ADGRL3: variants seen among roughly 807,000 people sequenced by gnomAD.
ADGRL3 encodes the protein adhesion G protein-coupled receptor L3, also known as calcium-independent alpha-latrotoxin receptor 3.
A neutral mutation model predicts 153.5 loss-of-function variants in ADGRL3; 62 were observed. That is an observed-to-expected ratio of 0.40 (90% CI 0.33 to 0.50). The LOEUF is 0.50. Ranked by LOEUF, ADGRL3 falls within the 20% of genes least tolerant of loss-of-function variation. The probability of loss-of-function intolerance (pLI) is 0.47; values close to 1 mark genes in which losing one functional copy is unlikely to be tolerated. For synonymous variants in ADGRL3, 710 were observed against 672.5 expected, an observed-to-expected ratio of 1.06 and a Z score of -0.86; for missense variants, 1,641 against 1,859.4, an observed-to-expected ratio of 0.88 and a Z score of 2.16.
chr4:61,625,535 C>G (rs1276714699), intron 5 of ADGRL3, among the ~76,000 whole-genome samples: 1 of 152,120 alleles, frequency 6.6e-6, no homozygotes. Context: ...TTTATAATTT[C>G]TCTCTATACA....
At chr4:61,757,405 C>T (rs189054716) in intron 8 of ADGRL3, among the ~76,000 whole-genome samples, 13,172 of 152,134 alleles carry the variant, frequency 0.087, 1,198 homozygotes, top group African/African-American at 0.23. Flanking sequence ...AGTTTATTTG[C>T]ATAGAGGTGT....
chr4:61,649,051 A>G (rs936426305), intron 5 of ADGRL3, among the ~76,000 whole-genome samples: 1 of 152,072 alleles, frequency 6.6e-6, no homozygotes, highest in Middle Eastern at 3.4e-3. Context: ...TTTAACAGTC[A>G]TGTTTTAATG....
At chr4:61,719,067 G>A (rs900050836) in intron 6 of ADGRL3, among the ~76,000 whole-genome samples, 1 of 152,098 alleles carries the variant, frequency 6.6e-6, no homozygotes, top group Non-Finnish European at 1.5e-5. Context: ...CCTTTGGATT[G>A]TGTATCACAT....
At chr4:61,706,383 C>T (rs1039620485) in intron 6 of ADGRL3, among the ~76,000 whole-genome samples, 1 of 149,466 alleles carries the variant, frequency 6.7e-6, no homozygotes, top group Non-Finnish European at 1.5e-5. Flanking sequence ...GATTGCGCCA[C>T]TGCACTCTGG....
chr4:61,539,340 C>T (rs73822622), intron 4 of ADGRL3, among the ~76,000 whole-genome samples: 3,427 of 152,296 alleles, frequency 0.023, 119 homozygotes, highest in East Asian at 0.15. Flanking sequence ...ACGGCCTTCT[C>T]TCCACGCCTA....
In ADGRL3 at chr4:62,073,408, A is replaced by G. The variant is rs1415838814; in HGVS notation, c.*2500A>G. The G allele has an allele frequency of 1.3e-5, 2 of 152,144 alleles. No homozygotes were observed. Among genetic ancestry groups the G allele is most frequent in the Non-Finnish European group, 2.9e-5 (2 of 68,008 alleles). 9.4% of individuals were successfully genotyped at this position (152,144 alleles called of 1,614,324 possible). A position where few individuals can be genotyped will look rare whatever the true frequency, so the allele number is the denominator to read the frequency against. ...CACTATGGCAATATTAGCACGTCCA[A>G]GGCTTTTAACCCACCCGATACATAG... is the stretch of plus-strand genomic sequence containing the variant. On this transcript the variant is annotated 3_prime_UTR_variant, in exon 27 of 27. Coordinates refer to ENST00000683033, the MANE Select transcript of ADGRL3 (RefSeq NM_001387552.1).
At chr4:61,733,891 T>TA (rs1413644072) in intron 8 of ADGRL3, among the ~76,000 whole-genome samples, 1 of 152,210 alleles carries the variant, frequency 6.6e-6, no homozygotes, top group Non-Finnish European at 1.5e-5. Flanking sequence ...ACAGCCTGTC[T>TA]AATTAATTGT....
chr4:61,932,189 T>C (rs1315038943), intron 13 of ADGRL3, among the ~76,000 whole-genome samples: 1 of 152,104 alleles, frequency 6.6e-6, no homozygotes, highest in Non-Finnish European at 1.5e-5. Flanking sequence ...TATTATTACC[T>C]AATTGCTCTG....
chr4:61,624,904 T>C, intron 5 of ADGRL3, among the ~76,000 whole-genome samples: 1 of 152,112 alleles, frequency 6.6e-6, no homozygotes, highest in African/African-American at 2.4e-5. Context: ...TTTTAAAACT[T>C]ATAAATTACT....
In ADGRL3 at chr4:61,343,262, C is replaced by T. The variant is rs74383124; in HGVS notation, c.-239-39862C>T. Among the ~76,000 whole-genome samples the T allele has an allele frequency of 7.2e-3, 1,090 of 152,250 alleles. 14 individuals are homozygous for T. Among genetic ancestry groups the T allele is most frequent in the African/African-American group, 0.024 (1,010 of 41,548 alleles). ...TAATTTTCAAAACCACAAAAATCAG[C>T]GCTAACTTTCTGCCATCAGACTCCT... On this transcript the variant is annotated intron_variant, in intron 1 of 26. Transcript: ENST00000683033.
At chr4:61,719,586 C>A (rs2096196576) in intron 6 of ADGRL3, among the ~76,000 whole-genome samples, 1 of 146,816 alleles carries the variant, frequency 6.8e-6, no homozygotes, top group African/African-American at 2.5e-5. Context: ...CCCTGCATTT[C>A]TTTCACCTCT....
chr4:61,764,160 A>C (rs1308697386), intron 8 of ADGRL3, among the ~76,000 whole-genome samples: 1 of 152,314 alleles, frequency 6.6e-6, no homozygotes, highest in African/African-American at 2.4e-5. Flanking sequence ...TTAATTTGGT[A>C]ACACTATTCA....
chr4:61,903,368 G>T (rs1385521138), intron 11 of ADGRL3, among the ~76,000 whole-genome samples: 1 of 152,080 alleles, frequency 6.6e-6, no homozygotes, highest in Non-Finnish European at 1.5e-5. Context: ...TGTCACAACA[G>T]CTGAATTGTT....
At chr4:62,023,196 A>G (rs1394274473) in intron 21 of ADGRL3, among the ~76,000 whole-genome samples, 1 of 152,152 alleles carries the variant, frequency 6.6e-6, no homozygotes, top group Non-Finnish European at 1.5e-5. Flanking sequence ...TTAGTGGAGG[A>G]AATAACTGCA....
At position 62,070,575 on chromosome 4, in the gene ADGRL3, C is replaced by T. The variant is rs969740213; in HGVS notation, c.4299C>T (p.Phe1433=). 1 of 1,551,208 alleles carries T rather than the reference C, an allele frequency of 6.4e-7. No individual in the cohort carries two copies. The highest frequency in any genetic ancestry group is 1.2e-5 in the South Asian group (1 of 84,000). ...RIPQDHSESF[F]PLLTNEHTED... ...CCCAAGACCACAGTGAGAGCTTTTT[C>T]CCTTTGCTAACCAACGAGCACACAG... is the stretch of plus-strand genomic sequence containing the variant. Residue 1433 remains phenylalanine, a synonymous_variant, in exon 27 of 27, where the codon TTC becomes TTT. Coordinates refer to ENST00000683033, the MANE Select transcript of ADGRL3 (RefSeq NM_001387552.1).
At chr4:61,656,765 C>G (rs1409111070) in intron 5 of ADGRL3, among the ~76,000 whole-genome samples, 1 of 152,118 alleles carries the variant, frequency 6.6e-6, no homozygotes, top group Non-Finnish European at 1.5e-5. Flanking sequence ...AATTTTCTAG[C>G]TTTAACCGTA....
Position 61,908,085 on chromosome 4 carries a change from C to T in ADGRL3, c.1888-1475C>T, listed in dbSNP as rs190611787. Among the ~76,000 whole-genome samples the T allele has an allele frequency of 4.6e-3, 702 of 152,048 alleles. 10 individuals carry two copies. Among genetic ancestry groups the T allele is most frequent in the African/African-American group, 0.016 (667 of 41,476 alleles). ...TTGGGAGGCCAAAGTGGAAGGATAG[C>T]GTAAGACCAGGAGCCCCATCTCTAC... On this transcript the variant is annotated intron_variant, in intron 11 of 26. Transcript: ENST00000683033.
chr4:61,772,294 A>G lies in ADGRL3; in HGVS notation c.1399+38740A>G, dbSNP rs1423015381. On this transcript the variant is annotated intron_variant, in intron 8 of 26. Transcript: ENST00000683033. The stretch of plus-strand genomic sequence containing the variant: ...AGGTAGAGATCCAGGAAACTGACTC[A>G]GTAAGAATTCTTTGCTGGCTTAGTC... 2.0e-5 allele frequency among the ~76,000 whole-genome samples: 3 copies of G among 152,180 alleles called. No individual in the cohort carries two copies. The East Asian group carries it at 5.8e-4, about 29-fold the overall frequency.
chr4:62,008,021 C>T (rs2099167709), intron 21 of ADGRL3, among the ~76,000 whole-genome samples: 1 of 151,990 alleles, frequency 6.6e-6, no homozygotes, highest in African/African-American at 2.4e-5. Context: ...TAGACTTGAC[C>T]ACTGAATTTA....
Sources: gnomAD v4.1 joint callset for allele counts (sites outside exome capture counted in the v4.1 genomes callset) on GRCh38, gnomAD v4.1.1 for gene constraint, MANE v1.5 for transcripts, NCBI Gene and HGNC (gene_info 2026-07-23, HGNC 2026-07-21) for gene names.